The following PDE8A variants were observed in gnomAD, a reference collection of about 807,000 sequenced individuals.
PDE8A encodes phosphodiesterase 8A, also known as high affinity cAMP-specific and IBMX-insensitive 3',5'-cyclic phosphodiesterase 8A.
Under a neutral mutation model 105.0 loss-of-function variants are expected in PDE8A, and 59 were observed. That is an observed-to-expected ratio of 0.56 (90% CI 0.46 to 0.70). PDE8A has a LOEUF of 0.70. Among genes scored for constraint, PDE8A ranks in the 30% least tolerant of loss-of-function variants. PDE8A has a pLI of 0.00. For missense variants in PDE8A, 1,014 were observed against 1,045.9 expected, an observed-to-expected ratio of 0.97 and a Z score of 0.42; for synonymous variants, 355 against 371.9, an observed-to-expected ratio of 0.95 and a Z score of 0.52.
chr15:85,067,174 C>G lies in PDE8A; in HGVS notation c.404C>G (p.Pro135Arg). ...ATTATCATCATAGACCACAGAAATCCTCGACAGCTGGATGCAGAGGCACTG... is the reference window on the plus strand; with the variant it reads ...ATTATCATCATAGACCACAGAAATCGTCGACAGCTGGATGCAGAGGCACTG... ...HDIIIIDHRNPRQLDAEALCR... is the reference protein window; with the variant it reads ...HDIIIIDHRNRRQLDAEALCR... Residue 135 changes from proline (P) to arginine (R), a missense_variant, in exon 3 of 22, where the codon CCT becomes CGT. Coordinates refer to ENST00000394553, the MANE Select transcript of PDE8A (RefSeq NM_002605.3). 6.2e-7 allele frequency: 1 copy of G among 1,613,856 alleles called. No homozygotes were observed. Among genetic ancestry groups the G allele is most frequent in the Non-Finnish European group, 8.5e-7 (1 of 1,179,886 alleles).
At chr15:85,053,092 T>G (rs76631986) in intron 1 of PDE8A, among the ~76,000 whole-genome samples, 70,450 of 151,928 alleles carry the variant, frequency 0.46, 16,437 homozygotes, top group Middle Eastern at 0.55. Context: ...TTTCCCCATT[T>G]CTTGTTTTTG....
chr15:85,086,895 G>A (rs2081561800), intron 6 of PDE8A, among the ~76,000 whole-genome samples: 1 of 151,836 alleles, frequency 6.6e-6, no homozygotes, highest in African/African-American at 2.4e-5. Flanking sequence ...GTATTACAGA[G>A]GTATGTGCCA....
At chr15:85,027,679 A>C (rs1467283034) in intron 1 of PDE8A, among the ~76,000 whole-genome samples, 1 of 152,208 alleles carries the variant, frequency 6.6e-6, no homozygotes, top group Non-Finnish European at 1.5e-5. Flanking sequence ...AATTTTGCTC[A>C]CGTATGTTAG....
At position 84,981,896 on chromosome 15, in the gene PDE8A, G is replaced by A. The variant is rs1471633991; in HGVS notation, c.-267G>A. The A allele has an allele frequency of 4.3e-6, 1 of 233,796 alleles. No homozygotes were observed. Among genetic ancestry groups the A allele is most frequent in the Non-Finnish European group, 8.2e-6 (1 of 122,048 alleles). 14.5% of individuals were successfully genotyped at this position (233,796 alleles called of 1,614,324 possible). A position where few individuals can be genotyped will look rare whatever the true frequency, so the allele number is the denominator to read the frequency against. Reference sequence around the variant, plus strand: ...CCGGCGATGTGAGAGGCGGCCGTCGGCTCCTGCCTCAGGAAGGGCATGTTC... The same window carrying A: ...CCGGCGATGTGAGAGGCGGCCGTCGACTCCTGCCTCAGGAAGGGCATGTTC... On this transcript the variant is annotated 5_prime_UTR_variant, in exon 1 of 22. Coordinates refer to ENST00000394553, the MANE Select transcript of PDE8A (RefSeq NM_002605.3).
intron 1 of PDE8A, among the ~76,000 whole-genome samples, chr15:85,013,872 A>G (rs2080279990): frequency 6.6e-6 from 1 of 152,058 alleles, no homozygotes. Flanking sequence ...TTAGTGCAGG[A>G]TGTTTTGGGG....
At chr15:85,055,507 A>G (rs1311257057) in intron 1 of PDE8A, among the ~76,000 whole-genome samples, 2 of 152,202 alleles carry the variant, frequency 1.3e-5, no homozygotes, top group Non-Finnish European at 2.9e-5. Flanking sequence ...TATTGGGTGC[A>G]TATATATTTA....
chr15:85,006,508 C>T (rs1287906119), intron 1 of PDE8A, among the ~76,000 whole-genome samples: 1 of 152,018 alleles, frequency 6.6e-6, no homozygotes, highest in East Asian at 1.9e-4. Context: ...TAATCTTGGC[C>T]AATTTTATTT....
chr15:85,054,858 G>T (rs1017533041), intron 1 of PDE8A, among the ~76,000 whole-genome samples: 11 of 152,262 alleles, frequency 7.2e-5, no homozygotes, highest in African/African-American at 1.7e-4. Context: ...GCTAGCTTTT[G>T]AATGTGTTTG....
chr15:85,035,294 C>T (rs1291646296), intron 1 of PDE8A, among the ~76,000 whole-genome samples: 2 of 149,916 alleles, frequency 1.3e-5, no homozygotes, highest in South Asian at 2.1e-4. Flanking sequence ...CTGCAACCTC[C>T]GCCTACCAGG....
chr15:85,085,873 G>A (rs12440263), intron 6 of PDE8A, among the ~76,000 whole-genome samples: 1 of 151,426 alleles, frequency 6.6e-6, no homozygotes. Flanking sequence ...TTAGCTGGGC[G>A]TGGTGGCGCA....
At chr15:85,127,315 G>A (rs903638577) in intron 20 of PDE8A, among the ~76,000 whole-genome samples, 24 of 152,352 alleles carry the variant, frequency 1.6e-4, no homozygotes, top group African/African-American at 5.8e-4. Context: ...TTGTATTGGT[G>A]TTCCTCATCA....
At chr15:84,996,822 T>C (rs1460142268) in intron 1 of PDE8A, among the ~76,000 whole-genome samples, 2 of 6,720 alleles carry the variant, frequency 3.0e-4, no homozygotes, top group African/African-American at 7.6e-4. Context: ...CAAGACTCTC[T>C]CAAAAAAAAA....
intron 13 of PDE8A, 120 bp downstream of exon 13, chr15:85,113,567 G>A (rs1279418050): frequency 9.1e-6 from 8 of 876,640 alleles, no homozygotes; most frequent in Non-Finnish European, 1.5e-5. Context: ...TAGTTGTGTG[G>A]TGCTAGTAGC....
At chr15:84,987,275 TAA>T (rs1288138268) in intron 1 of PDE8A, among the ~76,000 whole-genome samples, 1 of 152,186 alleles carries the variant, frequency 6.6e-6, no homozygotes, top group Non-Finnish European at 1.5e-5. Flanking sequence ...ACCATAACTT[TAA>T]GTGTGATTCT....
rs373413847 is a variant in PDE8A at position 85,096,110 on chromosome 15, C to T, written c.853-1838C>T. Among the ~76,000 whole-genome samples the T allele has an allele frequency of 1.8e-4, 28 of 151,938 alleles. No individual in the cohort carries two copies. In the South Asian group the frequency reaches 5.2e-3, roughly 28 times the overall value. ...CAGGGTGGTCTCAATCTCTTGACCT[C>T]GTGATCCACTCGCCTCAGCCTCCCA... is the stretch of plus-strand genomic sequence containing the variant. On this transcript the variant is annotated intron_variant, in intron 8 of 21. Transcript: ENST00000394553.
chr15:85,123,308 A>G, intron 19 of PDE8A, 115 bp downstream of exon 19: 1 of 795,538 alleles, frequency 1.3e-6, no homozygotes, highest in Non-Finnish European at 2.1e-6. Flanking sequence ...TGAGTCTATT[A>G]GACTCTTACA....
chr15:85,113,393 A>G lies in PDE8A; in HGVS notation c.1131A>G (p.Arg377=). 2.5e-6 allele frequency: 4 copies of G among 1,614,086 alleles called. No individual in the cohort carries two copies. The highest frequency in any genetic ancestry group is 3.4e-6 in the Non-Finnish European group (4 of 1,179,982). ...SRATEVSSQR[R]HSSMARIHSM... ...TCTCCACAGTTTCCAGCCAGAGACGACACTCTTCCATGGCCCGGATACATT... is the reference window on the plus strand; with the variant it reads ...TCTCCACAGTTTCCAGCCAGAGACGGCACTCTTCCATGGCCCGGATACATT... Residue 377 remains arginine (R), a synonymous_variant, in exon 13 of 22, where the codon CGA becomes CGG. Transcript: ENST00000394553.
upstream of PDE8A, chr15:84,981,835 TC>T (rs2079713111): frequency 5.8e-6 from 1 of 171,870 alleles, no homozygotes. Context: ...GCAAATCTCC[TC>T]CCCCTATTTC....
At chr15:84,999,712 C>G (rs953563338) in intron 1 of PDE8A, among the ~76,000 whole-genome samples, 1 of 152,154 alleles carries the variant, frequency 6.6e-6, no homozygotes, top group East Asian at 1.9e-4. Flanking sequence ...GCAGCTAGGA[C>G]TACTGGCGGG....
Sources: allele counts gnomAD v4.1 joint callset (sites outside exome capture counted in the v4.1 genomes callset), GRCh38; gene constraint gnomAD v4.1.1; transcripts MANE v1.5; gene names NCBI Gene and HGNC (gene_info 2026-07-23, HGNC 2026-07-21).